RUBCNL: variants seen among roughly 807,000 people sequenced by gnomAD.
RUBCNL encodes the protein rubicon like autophagy enhancer.
RUBCNL carries 62 observed loss-of-function variants against 69.5 expected under a neutral mutation model. The observed-to-expected ratio is 0.89, with a 90% CI of 0.73 to 1.10. The LOEUF (loss-of-function observed/expected upper bound fraction) is 1.10, where lower values mean the gene tolerates loss of function less well. Ranked by LOEUF, RUBCNL falls within the 50% of genes least tolerant of loss-of-function variation. RUBCNL has a pLI of 0.00. For missense variants in RUBCNL, 768 were observed against 798.1 expected, an observed-to-expected ratio of 0.96 and a Z score of 0.45; for synonymous variants, 291 against 303.6, an observed-to-expected ratio of 0.96 and a Z score of 0.43.
At chr13:46,360,320 A>C (rs984193071) in intron 8 of RUBCNL, among the ~76,000 whole-genome samples, 1 of 152,198 alleles carries the variant, frequency 6.6e-6, no homozygotes, top group African/African-American at 2.4e-5. Context: ...CCTGGGCAAC[A>C]GAGTGAGACT....
upstream of RUBCNL, chr13:46,387,379 G>A (rs904812172): frequency 3.0e-6 from 3 of 985,370 alleles, no homozygotes; most frequent in African/African-American, 5.2e-5. Flanking sequence ...TCCCGCCGCA[G>A]GCACCGAGAC....
At position 46,337,866 on chromosome 13, in the gene RUBCNL, G is replaced by A. The variant is rs1323712246; in HGVS notation, c.*5519C>T. On this transcript the variant is annotated 3_prime_UTR_variant, in exon 15 of 15. Transcript: ENST00000429979. ...AGTTCTATTTCAAACAATCACTCAG[G>A]GAGCTGGGTAGGGCCCTCAGGAATG... Among the ~76,000 whole-genome samples, 1 of 152,208 alleles carries A rather than the reference G, an allele frequency of 6.6e-6. No individual in the cohort carries two copies. Among genetic ancestry groups the A allele is most frequent in the African/African-American group, 2.4e-5 (1 of 41,452 alleles).
intron 5 of RUBCNL, among the ~76,000 whole-genome samples, chr13:46,365,976 C>T (rs1307536287): frequency 2.0e-5 from 3 of 152,126 alleles, no homozygotes; most frequent in Non-Finnish European, 4.4e-5. Context: ...GCTACTGCAG[C>T]GGGCCAGGTA....
At position 46,335,481 on chromosome 13, in the gene RUBCNL, G is replaced by A. The variant is rs1230519853; in HGVS notation, c.*7904C>T. On this transcript the variant is annotated 3_prime_UTR_variant, in exon 15 of 15. Coordinates refer to ENST00000429979, the MANE Select transcript of RUBCNL (RefSeq NM_025113.5). ...TGATTTATGCTTTATAAACATTCTG[G>A]TGTTGTGTGGAGAATGGACTATAGA... 6.6e-6 allele frequency among the ~76,000 whole-genome samples: 1 copy of A among 152,048 alleles called. No homozygotes were observed. The highest frequency in any genetic ancestry group is 1.5e-5 in the Non-Finnish European group (1 of 68,012).
chr13:46,345,297 A>C (rs1000698398), intron 13 of RUBCNL, 150 bp downstream of exon 13: 1 of 906,100 alleles, frequency 1.1e-6, no homozygotes, highest in African/African-American at 1.7e-5. Flanking sequence ...CTCAGCTGTT[A>C]CTTCACAGCT....
At chr13:46,380,820 A>T (rs1452384835) in intron 1 of RUBCNL, among the ~76,000 whole-genome samples, 3 of 152,212 alleles carry the variant, frequency 2.0e-5, no homozygotes, top group African/African-American at 4.8e-5. Flanking sequence ...TTACACTTAA[A>T]GGTAAATGCC....
intron 10 of RUBCNL, among the ~76,000 whole-genome samples, chr13:46,353,769 G>A (rs1387234191): frequency 2.6e-5 from 4 of 152,204 alleles, no homozygotes; most frequent in African/African-American, 4.8e-5. Context: ...AGAGATGTCC[G>A]GTATAACTTT....
In RUBCNL at chr13:46,362,611, A is replaced by G. The variant is rs2048639755; in HGVS notation, c.926-13T>C. ...AAATCTCCAAGCTCTGTGGGAAAAT[A>G]AAAGAAAGAGTGGTGAGGTCTTTTA... On this transcript the variant is annotated splice_polypyrimidine_tract_variant and intron_variant, in intron 6 of 14. Coordinates refer to ENST00000429979, the MANE Select transcript of RUBCNL (RefSeq NM_025113.5). 1 of 1,596,846 alleles carries G rather than the reference A, an allele frequency of 6.3e-7. No homozygotes were observed. The highest frequency in any genetic ancestry group is 1.3e-5 in the African/African-American group (1 of 74,724).
chr13:46,335,412 T>C lies in RUBCNL; in HGVS notation c.*7973A>G, dbSNP rs1955826753. 6.6e-6 allele frequency among the ~76,000 whole-genome samples: 1 copy of C among 152,016 alleles called. No homozygotes were observed. Among genetic ancestry groups the C allele is most frequent in the South Asian group, 2.1e-4 (1 of 4,818 alleles). On this transcript the variant is annotated 3_prime_UTR_variant, in exon 15 of 15. Transcript: ENST00000429979. ...AGCCAGCACCCACCCAACTTAATTTTAAATTAAGTCTTCAGAGGGTTTAAT... is the reference window on the plus strand; with the variant it reads ...AGCCAGCACCCACCCAACTTAATTTCAAATTAAGTCTTCAGAGGGTTTAAT...
In RUBCNL at chr13:46,336,849, G is replaced by T. The variant is rs527563140; in HGVS notation, c.*6536C>A. ...AACTGGAAAGGAATGTGAGGTTAAA[G>T]AATTTTTTTCTCTCTGCATATTCCT... On this transcript the variant is annotated 3_prime_UTR_variant, in exon 15 of 15. Transcript: ENST00000429979. 2.0e-4 allele frequency among the ~76,000 whole-genome samples: 31 copies of T among 152,156 alleles called. 2 individuals carry two copies. Among genetic ancestry groups the T allele is most frequent in the East Asian group, 7.7e-4 (4 of 5,182 alleles).
intron 13 of RUBCNL, 105 bp from the exon 14 acceptor site, chr13:46,344,936 C>G: frequency 1.4e-6 from 1 of 714,392 alleles, no homozygotes; most frequent in East Asian, 2.8e-5. Context: ...GTCTATGATT[C>G]CAGCCTCTAG....
intron 5 of RUBCNL, among the ~76,000 whole-genome samples, chr13:46,365,385 A>G (rs2048730538): frequency 6.6e-6 from 1 of 151,920 alleles, no homozygotes; most frequent in Non-Finnish European, 1.5e-5. Context: ...CAAAAAACAC[A>G]GTTGCATTGC....
At position 46,363,146 on chromosome 13, in the gene RUBCNL, G is replaced by A; in HGVS notation, c.894C>T (p.Cys298=). Reference sequence around the variant, plus strand: ...TAACAAATTCATCAACATCGCATTTGCAAATCTCTTTCACATCATGGTAAG... The same window carrying A: ...TAACAAATTCATCAACATCGCATTTACAAATCTCTTTCACATCATGGTAAG... The part of the protein sequence containing the change: ...TRTYHDVKEI[C]KCDVDEFVIL... Residue 298 remains cysteine (C), a synonymous_variant, in exon 6 of 15, where the codon TGC becomes TGT. Transcript: ENST00000429979. 6.2e-7 allele frequency: 1 copy of A among 1,600,860 alleles called. No homozygotes were observed. Among genetic ancestry groups the A allele is most frequent in the South Asian group, 1.1e-5 (1 of 89,700 alleles).
intron 12 of RUBCNL, among the ~76,000 whole-genome samples, chr13:46,347,904 A>C (rs1210894683): frequency 6.6e-6 from 1 of 152,086 alleles, no homozygotes; most frequent in Admixed American, 6.6e-5. Context: ...GAGGCAGGAG[A>C]CTGGCGTGAA....
rs988990381 is a variant in RUBCNL at position 46,338,970 on chromosome 13, C to T, written c.*4415G>A. On this transcript the variant is annotated 3_prime_UTR_variant, in exon 15 of 15. Coordinates refer to ENST00000429979, the MANE Select transcript of RUBCNL (RefSeq NM_025113.5). The stretch of plus-strand genomic sequence containing the variant: ...GCTGAGGCAGGAAAATCGCTTGAAC[C>T]GGGAAGCAGAGGCTGCAGTGAACTG... 4.0e-5 allele frequency among the ~76,000 whole-genome samples: 6 copies of T among 151,388 alleles called. No individual in the cohort carries two copies. The highest frequency in any genetic ancestry group is 4.4e-5 in the Non-Finnish European group (3 of 67,948).
upstream of RUBCNL, chr13:46,387,958 A>T (rs2049285446): frequency 1.6e-6 from 1 of 626,104 alleles, no homozygotes; most frequent in Non-Finnish European, 2.0e-6. Context: ...CTGTGATCCC[A>T]GCACCTACTT....
chr13:46,384,403 T>C (rs1216097111), intron 1 of RUBCNL, among the ~76,000 whole-genome samples: 2 of 152,224 alleles, frequency 1.3e-5, no homozygotes, highest in Non-Finnish European at 2.9e-5. Context: ...CATTTCTTTA[T>C]AAGAATAATA....
At position 46,345,359 on chromosome 13, in the gene RUBCNL, T is replaced by C. The variant is rs1466278018; in HGVS notation, c.1785+88A>G. 2.1e-6 allele frequency: 3 copies of C among 1,450,646 alleles called. No homozygotes were observed. The Admixed American group carries it at 6.3e-5, about 30-fold the overall frequency. 89.9% of individuals were successfully genotyped at this position (1,450,646 alleles called of 1,614,324 possible). ...TAGGTCACCGGCACTTCCCTCAGGG[T>C]TTGTGAGAGTTAAATGAAGTCAAGT... On this transcript the variant is annotated intron_variant, in intron 13 of 14. Coordinates refer to ENST00000429979, the MANE Select transcript of RUBCNL (RefSeq NM_025113.5).
In RUBCNL at chr13:46,335,066, T is replaced by C. The variant is rs1179862823; in HGVS notation, c.*8319A>G. 6.6e-6 allele frequency among the ~76,000 whole-genome samples: 1 copy of C among 151,364 alleles called. No homozygotes were observed. The highest frequency in any genetic ancestry group is 2.4e-5 in the African/African-American group (1 of 41,210). ...AGGAAACCTACTTGGGTAAAGAATT[T>C]GGACTTTTTTTTTTTTGAGATGGGG... On this transcript the variant is annotated 3_prime_UTR_variant, in exon 15 of 15. Transcript: ENST00000429979.
Sources: allele counts gnomAD v4.1 joint callset (sites outside exome capture counted in the v4.1 genomes callset), GRCh38; gene constraint gnomAD v4.1.1; transcripts MANE v1.5; gene names NCBI Gene and HGNC (gene_info 2026-07-23, HGNC 2026-07-21).